LRRTM4: variants seen among roughly 807,000 people sequenced by gnomAD.
LRRTM4 encodes the protein leucine-rich repeat transmembrane neuronal protein 4.
LRRTM4 carries 25 observed loss-of-function variants against 47.6 expected under a neutral mutation model. That is an observed-to-expected ratio of 0.53 (90% CI 0.38 to 0.73). LRRTM4 has a LOEUF of 0.73. Among genes scored for constraint, LRRTM4 ranks in the 30% least tolerant of loss-of-function variants. The pLI, the probability that LRRTM4 is intolerant of heterozygous loss-of-function variation, is 0.00. For synonymous variants in LRRTM4, 311 were observed against 269.5 expected (o/e 1.15, Z -1.51); for missense variants, 638 against 713.4 (o/e 0.89, Z 1.20).
At chr2:77,061,105 G>GTT (rs36044505) in intron 3 of LRRTM4, among the ~76,000 whole-genome samples, 4 of 145,912 alleles carry the variant, frequency 2.7e-5, no homozygotes, top group African/African-American at 7.5e-5. Flanking sequence ...AGCCATTAGA[G>GTT]TTTTTTTTTT....
At chr2:76,872,162 G>A (rs899574269) in intron 3 of LRRTM4, among the ~76,000 whole-genome samples, 2 of 152,108 alleles carry the variant, frequency 1.3e-5, no homozygotes, top group Non-Finnish European at 2.9e-5. Flanking sequence ...AAACAGCAGT[G>A]CATAATGTTT....
At chr2:77,332,752 T>C (rs895083158) in intron 3 of LRRTM4, among the ~76,000 whole-genome samples, 4 of 152,208 alleles carry the variant, frequency 2.6e-5, no homozygotes, top group African/African-American at 7.2e-5. Context: ...TAGTCACTAA[T>C]TGTTTTACTG....
At chr2:77,440,801 G>C (rs555459626) in intron 3 of LRRTM4, among the ~76,000 whole-genome samples, 7 of 152,278 alleles carry the variant, frequency 4.6e-5, no homozygotes, top group African/African-American at 1.7e-4. Context: ...AAAAATTTCA[G>C]ATGGCTTAGG....
At chr2:77,175,228 GT>G (rs1255588803) in intron 3 of LRRTM4, among the ~76,000 whole-genome samples, 1 of 151,702 alleles carries the variant, frequency 6.6e-6, no homozygotes, top group Non-Finnish European at 1.5e-5. Context: ...CACCACCACT[GT>G]TGGGAAAAGC....
At chr2:77,477,842 C>A (rs149902351) in intron 3 of LRRTM4, among the ~76,000 whole-genome samples, 7 of 97,126 alleles carry the variant, frequency 7.2e-5, no homozygotes, top group African/African-American at 1.6e-4. Flanking sequence ...AAAACTCCAT[C>A]AAAAAAAAAA....
rs1676266215 is a variant in LRRTM4, at chr2:77,451,821, T to C, written c.1551+66497A>G. Among the ~76,000 whole-genome samples, 2 of 152,094 alleles carry C rather than the reference T, an allele frequency of 1.3e-5. 1 individual carries two copies. The highest frequency in any genetic ancestry group is 4.2e-4 in the South Asian group (2 of 4,818). On this transcript the variant is annotated intron_variant, in intron 3 of 3. Transcript: ENST00000409884. The stretch of plus-strand genomic sequence containing the variant: ...GCCATTTCAGGTTAAAAAAATCTGT[T>C]GAAGTTATAGCTGAGACACAAATAG...
At chr2:77,067,251 T>C (rs1470723236) in intron 3 of LRRTM4, among the ~76,000 whole-genome samples, 1 of 152,140 alleles carries the variant, frequency 6.6e-6, no homozygotes, top group Non-Finnish European at 1.5e-5. Flanking sequence ...TGTAAAGCAC[T>C]TTTAAAACTT....
chr2:77,470,150 T>A (rs1677131751), intron 3 of LRRTM4, among the ~76,000 whole-genome samples: 1 of 152,054 alleles, frequency 6.6e-6, no homozygotes, highest in Non-Finnish European at 1.5e-5. Context: ...GAAAACCACT[T>A]CAAAAATGCG....
rs1354103776 is a variant in LRRTM4, at chr2:76,925,059, T to C, written c.1552-176143A>G. The stretch of plus-strand genomic sequence containing the variant: ...GAGAGTCGATGGGCTGCCTCTCCCA[T>C]GATCATAATACATTGTATGGCAAAT... On this transcript the variant is annotated intron_variant, in intron 3 of 3. Transcript: ENST00000409884. 2.0e-5 allele frequency among the ~76,000 whole-genome samples: 3 copies of C among 152,014 alleles called. No homozygotes were observed. In the East Asian group the frequency reaches 5.8e-4, roughly 29 times the overall value.
chr2:77,127,214 G>A lies in LRRTM4; in HGVS notation c.1552-378298C>T, dbSNP rs117151545. On this transcript the variant is annotated intron_variant, in intron 3 of 3. Coordinates refer to ENST00000409884, the MANE Select transcript of LRRTM4 (RefSeq NM_001134745.3). Reference sequence around the variant, plus strand: ...GTTTGTCTTTTCTGGTCACCCAAGCGTTAGTGCTTTCATAGGATTTTGAGC... The same window carrying A: ...GTTTGTCTTTTCTGGTCACCCAAGCATTAGTGCTTTCATAGGATTTTGAGC... Among the ~76,000 whole-genome samples the A allele has an allele frequency of 2.8e-4, 42 of 152,150 alleles. 1 individual carries two copies. The East Asian group carries it at 6.2e-3, about 22-fold the overall frequency.
At chr2:77,517,410 C>T in intron 3 of LRRTM4, 7 of 984,446 alleles carry the variant, frequency 7.1e-6, no homozygotes, top group Non-Finnish European at 8.4e-6. Flanking sequence ...GAATACATAT[C>T]ATTTCTTTTG....
chr2:77,280,272 T>C (rs1676473807), intron 3 of LRRTM4, among the ~76,000 whole-genome samples: 1 of 151,984 alleles, frequency 6.6e-6, no homozygotes, highest in Non-Finnish European at 1.5e-5. Flanking sequence ...GATTGTCCCC[T>C]AGAGCCTCCC....
chr2:77,444,385 A>G (rs941427543), intron 3 of LRRTM4, among the ~76,000 whole-genome samples: 1 of 152,138 alleles, frequency 6.6e-6, no homozygotes, highest in Admixed American at 6.6e-5. Flanking sequence ...GCCTTTCATT[A>G]TAGTGATATA....
chr2:77,397,090 A>G (rs970374159), intron 3 of LRRTM4, among the ~76,000 whole-genome samples: 3 of 151,992 alleles, frequency 2.0e-5, no homozygotes, highest in East Asian at 1.9e-4. Context: ...TAATATATAC[A>G]ATTTCAACAG....
chr2:76,787,502 C>T (rs1477061817), intron 3 of LRRTM4, among the ~76,000 whole-genome samples: 2 of 151,524 alleles, frequency 1.3e-5, no homozygotes, highest in African/African-American at 2.4e-5. Flanking sequence ...ACTGGGTGTT[C>T]AGCTCAAAAT....
intron 3 of LRRTM4, among the ~76,000 whole-genome samples, chr2:76,781,579 T>G (rs563533519): frequency 7.6e-4 from 116 of 152,324 alleles, no homozygotes; most frequent in African/African-American, 2.7e-3. Context: ...CCCTTGCGCT[T>G]CCCAAGTGAG....
intron 3 of LRRTM4, among the ~76,000 whole-genome samples, chr2:77,411,197 A>C (rs1012279093): frequency 1.3e-5 from 2 of 152,068 alleles, no homozygotes; most frequent in African/African-American, 4.8e-5. Flanking sequence ...GGTCCCTCAC[A>C]CAAGAGTCCA....
At chr2:77,276,023 T>C (rs1676337723) in intron 3 of LRRTM4, among the ~76,000 whole-genome samples, 1 of 151,846 alleles carries the variant, frequency 6.6e-6, no homozygotes, top group Non-Finnish European at 1.5e-5. Context: ...ACATAATCAT[T>C]GAGTAGGAAA....
chr2:77,287,798 C>T (rs562549414), intron 3 of LRRTM4, among the ~76,000 whole-genome samples: 18 of 152,088 alleles, frequency 1.2e-4, no homozygotes, highest in Non-Finnish European at 2.1e-4. Context: ...CTTACTATGC[C>T]TGATTTATAA....
Sources: gnomAD v4.1 joint callset for allele counts (sites outside exome capture counted in the v4.1 genomes callset) on GRCh38, gnomAD v4.1.1 for gene constraint, MANE v1.5 for transcripts, NCBI Gene and HGNC (gene_info 2026-07-23, HGNC 2026-07-21) for gene names.